Variants in FGF13 observed in about 807,000 individuals in gnomAD.
FGF13 encodes fibroblast growth factor homologous factor 2.
FGF13 carries 2 observed loss-of-function variants against 19.5 expected under a neutral mutation model. That is an observed-to-expected ratio of 0.10 (90% CI 0.04 to 0.32). The LOEUF is 0.32. Among genes scored for constraint, FGF13 ranks in the 10% least tolerant of loss-of-function variants. FGF13 has a pLI of 1.00. For synonymous variants in FGF13, 72 were observed against 76.9 expected, an observed-to-expected ratio of 0.94 and a Z score of 0.33; for missense variants, 113 against 192.7, an observed-to-expected ratio of 0.59 and a Z score of 2.45.
At chrX:138,855,005 TAA>T (rs1213719976), downstream of FGF13, among the ~76,000 whole-genome samples, 2 of 100,817 alleles carry the variant, frequency 2.0e-5, no homozygotes, top group Admixed American at 1.1e-4. Flanking sequence ...ATCCATTTGT[TAA>T]AAAAAAAAAA....
chrX:138,894,584 A>G (rs139640327), intron 1 of FGF13, among the ~76,000 whole-genome samples: 7,780 of 111,156 alleles, frequency 0.07, 702 homozygotes, highest in African/African-American at 0.24. Flanking sequence ...TCCTGGACAC[A>G]TACACCATCC....
intron 3 of FGF13, among the ~76,000 whole-genome samples, chrX:138,656,040 C>A (rs2089433486): frequency 8.9e-6 from 1 of 112,251 alleles, no homozygotes; most frequent in Non-Finnish European, 1.9e-5. Context: ...AGGGATACTA[C>A]AGTGAACAAG....
At chrX:138,980,284 C>A (rs2091957998) in intron 1 of FGF13, among the ~76,000 whole-genome samples, 1 of 111,124 alleles carries the variant, frequency 9.0e-6, no homozygotes, top group South Asian at 3.8e-4. Flanking sequence ...TCCTTTTAAT[C>A]CCCGAGCCAA....
rs184286632 is a variant in FGF13, at chrX:138,955,286, C to T, written c.-112-90636G>A. Among the ~76,000 whole-genome samples the T allele has an allele frequency of 3.6e-5, 4 of 112,535 alleles. No homozygotes were observed. In the Admixed American group the frequency reaches 3.8e-4, roughly 11 times the overall value. On this transcript the variant is annotated intron_variant, in intron 1 of 2. Coordinates refer to the FGF13 transcript ENST00000421460. ...TTTCACACAACAGTTATCGGCTAAA[C>T]CAATGCTCCTTAACCCATTCCCTGC... is the stretch of plus-strand genomic sequence containing the variant.
intron 1 of FGF13, among the ~76,000 whole-genome samples, chrX:139,053,259 C>T (rs150793095): frequency 4.8e-4 from 53 of 111,070 alleles, no homozygotes; most frequent in African/African-American, 1.6e-3. Context: ...CCTCTGAGTA[C>T]ATATCCAGCA....
intron 1 of FGF13, among the ~76,000 whole-genome samples, chrX:138,907,083 C>T (rs779006413): frequency 4.5e-5 from 5 of 111,317 alleles, no homozygotes; most frequent in Non-Finnish European, 7.5e-5. Flanking sequence ...TTGGCTAGGA[C>T]GGTAGAGTTA....
chrX:138,796,430 C>T (rs1455808111), intron 3 of FGF13, among the ~76,000 whole-genome samples: 2 of 111,989 alleles, frequency 1.8e-5, no homozygotes, highest in Non-Finnish European at 3.8e-5. Flanking sequence ...CATAGTATTC[C>T]ATAGTGTGTA....
intron 3 of FGF13, among the ~76,000 whole-genome samples, chrX:138,798,023 C>A (rs1365951235): frequency 1.8e-5 from 2 of 111,864 alleles, no homozygotes; most frequent in Non-Finnish European, 3.8e-5. Flanking sequence ...GACAATTTGA[C>A]TTCCTGTGTT....
At chrX:138,895,344 T>C (rs964568914) in intron 1 of FGF13, among the ~76,000 whole-genome samples, 1 of 111,980 alleles carries the variant, frequency 8.9e-6, no homozygotes, top group Non-Finnish European at 1.9e-5. Context: ...CTAAAATGTA[T>C]AGGGAATTCA....
intron 1 of FGF13, among the ~76,000 whole-genome samples, chrX:139,005,566 A>C (rs2092097650): frequency 9.1e-6 from 1 of 110,169 alleles, no homozygotes; most frequent in Non-Finnish European, 1.9e-5. Context: ...CCTGAAAAAC[A>C]TGACCTCACT....
At chrX:138,646,724 C>T (rs1238642741) in intron 3 of FGF13, among the ~76,000 whole-genome samples, 1 of 111,577 alleles carries the variant, frequency 9.0e-6, no homozygotes, top group Non-Finnish European at 1.9e-5. Flanking sequence ...AGCACCTTTA[C>T]TGAAATTAGG....
rs199715922 is a variant in FGF13 at position 139,054,932 on chromosome X, G to GTAT, written c.-113+148481_-113+148483dup. Among the ~76,000 whole-genome samples the GTAT allele has an allele frequency of 9.3e-3, 994 of 107,144 alleles. 25 individuals are homozygous for GTAT. Among genetic ancestry groups the GTAT allele is most frequent in the African/African-American group, 0.034 (944 of 28,141 alleles). The allele number at this position is 107,144 out of a possible 115,157, so 93.0% of individuals were successfully genotyped here. A position where few individuals can be genotyped will look rare whatever the true frequency, so the allele number is the denominator to read the frequency against. ...GTATTGTATTGTATTGTATTGTATT[G>GTAT]TATTTTGCAGCTATTGTAAAAGGGG... On this transcript the variant is annotated intron_variant, in intron 1 of 2. Transcript: ENST00000421460.
At chrX:138,871,695 C>T (rs775896087) in intron 1 of FGF13, among the ~76,000 whole-genome samples, 1 of 111,480 alleles carries the variant, frequency 9.0e-6, no homozygotes, top group East Asian at 2.8e-4. Flanking sequence ...CACAGAGATA[C>T]CCAGGAGAAA....
rs775077558 is a variant in FGF13, at chrX:138,811,343, G to C, written c.217+46169C>G. 1.8e-3 allele frequency among the ~76,000 whole-genome samples: 204 copies of C among 110,604 alleles called. 2 individuals are homozygous for C. Among genetic ancestry groups the C allele is most frequent in the African/African-American group, 6.7e-3 (202 of 30,371 alleles). On this transcript the variant is annotated intron_variant, in intron 3 of 6. Coordinates refer to the FGF13 transcript ENST00000436198. ...CATCATTCTCAGCAAACTATCCCAA[G>C]GACAAAAAACCAAACACCACATGTT...
chrX:138,965,199 C>A (rs776042597), intron 1 of FGF13, among the ~76,000 whole-genome samples: 2 of 112,570 alleles, frequency 1.8e-5, no homozygotes, highest in Non-Finnish European at 3.8e-5. Context: ...ACTTCCTTTA[C>A]CCCTTCAGTT....
intron 1 of FGF13, among the ~76,000 whole-genome samples, chrX:138,725,087 A>G (rs1480041164): frequency 8.9e-6 from 1 of 111,802 alleles, no homozygotes; most frequent in African/African-American, 3.2e-5. Flanking sequence ...CTATTTTGCG[A>G]GCTATGGTTC....
intron 1 of FGF13, among the ~76,000 whole-genome samples, chrX:138,908,682 C>A (rs1338490802): frequency 9.0e-6 from 1 of 111,694 alleles, no homozygotes; most frequent in East Asian, 2.8e-4. Flanking sequence ...GTCACCATTA[C>A]CAGAGTTGCC....
chrX:138,972,530 C>T (rs1164497104), intron 1 of FGF13, among the ~76,000 whole-genome samples: 8 of 108,649 alleles, frequency 7.4e-5, no homozygotes, highest in Non-Finnish European at 1.9e-5. Flanking sequence ...CTAATTTTTT[C>T]GTATTTTTAG....
chrX:138,781,262 A>G lies in FGF13; in HGVS notation c.218-72334T>C, dbSNP rs746234530. ...TAACATCACAATTAAAAGAACTAGAAAAGCAAGAGCAAACACATTCAAAAG... is the reference window on the plus strand; with the variant it reads ...TAACATCACAATTAAAAGAACTAGAGAAGCAAGAGCAAACACATTCAAAAG... On this transcript the variant is annotated intron_variant, in intron 3 of 6. Coordinates refer to the FGF13 transcript ENST00000436198. Among the ~76,000 whole-genome samples, 319 of 108,990 alleles carry G rather than the reference A, an allele frequency of 2.9e-3. 1 individual carries two copies. Among genetic ancestry groups the G allele is most frequent in the East Asian group, 0.013 (45 of 3,428 alleles). The allele number at this position is 108,990 out of a possible 115,157, so 94.6% of individuals were successfully genotyped here.
Sources: gnomAD v4.1 joint callset for allele counts (sites outside exome capture counted in the v4.1 genomes callset) on GRCh38, gnomAD v4.1.1 for gene constraint, MANE v1.5 for transcripts, NCBI Gene and HGNC (gene_info 2026-07-23, HGNC 2026-07-21) for gene names.